HS6ST3: variants seen among roughly 807,000 people sequenced by gnomAD.
HS6ST3 encodes the protein heparan-sulfate 6-O-sulfotransferase 3.
Under a neutral mutation model 36.7 loss-of-function variants are expected in HS6ST3, and 12 were observed. The observed-to-expected ratio is 0.33, with a 90% CI of 0.21 to 0.53. HS6ST3 has a LOEUF of 0.53. Ranked by LOEUF, HS6ST3 falls within the 20% of genes least tolerant of loss-of-function variation. HS6ST3 has a pLI of 0.95. For synonymous variants in HS6ST3, 240 were observed against 257.5 expected (o/e 0.93, Z 0.65); for missense variants, 584 against 640.9 (o/e 0.91, Z 0.96).
intron 1 of HS6ST3, among the ~76,000 whole-genome samples, chr13:96,233,799 C>T (rs750461341): frequency 2.6e-5 from 4 of 151,842 alleles, no homozygotes; most frequent in South Asian, 4.2e-4. Context: ...GAGATGTGGT[C>T]GGAGCAAGTC....
chr13:96,382,235 A>G (rs1430399474), intron 1 of HS6ST3, among the ~76,000 whole-genome samples: 1 of 152,180 alleles, frequency 6.6e-6, no homozygotes, highest in Non-Finnish European at 1.5e-5. Context: ...ATCAGATGTT[A>G]AGGAACCACA....
chr13:96,154,492 C>T (rs554410209), intron 1 of HS6ST3, among the ~76,000 whole-genome samples: 1 of 152,180 alleles, frequency 6.6e-6, no homozygotes, highest in Non-Finnish European at 1.5e-5. Flanking sequence ...ATGGTGATTT[C>T]ACTATTCAGC....
chr13:96,799,003 T>G (rs1169958444), intron 1 of HS6ST3, among the ~76,000 whole-genome samples: 1 of 152,126 alleles, frequency 6.6e-6, no homozygotes, highest in Non-Finnish European at 1.5e-5. Flanking sequence ...ACAAGTCAAA[T>G]TAGATGAGAG....
intron 1 of HS6ST3, among the ~76,000 whole-genome samples, chr13:96,781,699 A>G (rs1354777704): frequency 6.6e-6 from 1 of 152,214 alleles, no homozygotes; most frequent in African/African-American, 2.4e-5. Context: ...CCAATTCAAA[A>G]CAACTTATGT....
At chr13:96,829,311 T>G (rs951371478) in intron 1 of HS6ST3, among the ~76,000 whole-genome samples, 1 of 152,068 alleles carries the variant, frequency 6.6e-6, no homozygotes, top group Non-Finnish European at 1.5e-5. Flanking sequence ...CCAACTTTTT[T>G]TTTTCAATTT....
chr13:96,524,375 AACT>A lies in HS6ST3; in HGVS notation c.708-308111_708-308109del, dbSNP rs936573097. The stretch of plus-strand genomic sequence containing the variant: ...CAGAGCTCGAACGCTGCACCAGGAG[AACT>A]ACTGCTCTCTTTAGAGCTGTCAGGC... On this transcript the variant is annotated intron_variant, in intron 1 of 1. Coordinates refer to ENST00000376705, the MANE Select transcript of HS6ST3 (RefSeq NM_153456.4). Among the ~76,000 whole-genome samples, 7 of 152,314 alleles carry A rather than the reference AACT, an allele frequency of 4.6e-5. No homozygotes were observed. The East Asian group carries it at 1.4e-3, about 29-fold the overall frequency.
intron 1 of HS6ST3, among the ~76,000 whole-genome samples, chr13:96,333,177 G>T (rs1233480864): frequency 6.6e-6 from 1 of 152,180 alleles, no homozygotes; most frequent in African/African-American, 2.4e-5. Flanking sequence ...ACTTAAAAAA[G>T]GAAATGGAAA....
intron 1 of HS6ST3, among the ~76,000 whole-genome samples, chr13:96,420,593 G>A (rs1282633528): frequency 6.6e-6 from 1 of 152,210 alleles, no homozygotes. Flanking sequence ...ATAATTGATG[G>A]TCATATATGT....
chr13:96,659,643 C>G (rs2056639343), intron 1 of HS6ST3, among the ~76,000 whole-genome samples: 1 of 151,966 alleles, frequency 6.6e-6, no homozygotes, highest in Non-Finnish European at 1.5e-5. Flanking sequence ...TTTGATTCAT[C>G]ATCCATCTCA....
chr13:96,316,889 T>TGCG (rs140712902), intron 1 of HS6ST3, among the ~76,000 whole-genome samples: 3,829 of 152,292 alleles, frequency 0.025, 160 homozygotes, highest in African/African-American at 0.089. Context: ...ATTTTGTGTT[T>TGCG]GCGTAGAAAT....
chr13:96,300,087 C>T (rs909819273), intron 1 of HS6ST3, among the ~76,000 whole-genome samples: 1 of 125,162 alleles, frequency 8.0e-6, no homozygotes. Flanking sequence ...GACAGAGTCT[C>T]ACTCTGTCAC....
chr13:96,528,110 TC>T (rs1178080180), intron 1 of HS6ST3, among the ~76,000 whole-genome samples: 1 of 152,182 alleles, frequency 6.6e-6, no homozygotes, highest in African/African-American at 2.4e-5. Context: ...TTTTTAACAT[TC>T]TTTTTAATAC....
chr13:96,673,144 C>T (rs2056687866), intron 1 of HS6ST3, among the ~76,000 whole-genome samples: 1 of 152,154 alleles, frequency 6.6e-6, no homozygotes, highest in Non-Finnish European at 1.5e-5. Flanking sequence ...AGGCCAGCAT[C>T]TTTAAGTCTC....
chr13:96,413,426 A>G (rs961443918), intron 1 of HS6ST3, among the ~76,000 whole-genome samples: 3 of 152,240 alleles, frequency 2.0e-5, no homozygotes, highest in African/African-American at 7.2e-5. Context: ...AAGATATTTC[A>G]GTAAACATAT....
chr13:96,742,462 CGATT>C (rs1348470539), intron 1 of HS6ST3, among the ~76,000 whole-genome samples: 1 of 151,856 alleles, frequency 6.6e-6, no homozygotes, highest in Non-Finnish European at 1.5e-5. Context: ...CAGACACAGA[CGATT>C]GAAAGTGAAA....
Position 96,241,871 on chromosome 13 carries a change from C to T in HS6ST3, c.707+150302C>T, listed in dbSNP as rs573366919. Among the ~76,000 whole-genome samples the T allele has an allele frequency of 7.3e-5, 11 of 150,766 alleles. No homozygotes were observed. The South Asian group carries it at 1.5e-3, about 20-fold the overall frequency. On this transcript the variant is annotated intron_variant, in intron 1 of 1. Transcript: ENST00000376705. ...TGCGATCTATGCTCACTGCAAGCTC[C>T]GCCTCCCGGGTTCACGCCATTCTTC...
At chr13:96,604,703 ATAT>A (rs1232687867) in intron 1 of HS6ST3, among the ~76,000 whole-genome samples, 1 of 152,198 alleles carries the variant, frequency 6.6e-6, no homozygotes, top group Non-Finnish European at 1.5e-5. Context: ...CAAGTTGAGC[ATAT>A]TAATGTGTGT....
intron 1 of HS6ST3, among the ~76,000 whole-genome samples, chr13:96,725,011 A>G (rs1414070793): frequency 6.6e-6 from 1 of 152,188 alleles, no homozygotes; most frequent in Non-Finnish European, 1.5e-5. Context: ...TCCATTGCAG[A>G]GTAATTACTA....
At chr13:96,671,917 C>A (rs1413652198) in intron 1 of HS6ST3, among the ~76,000 whole-genome samples, 1 of 152,100 alleles carries the variant, frequency 6.6e-6, no homozygotes, top group Non-Finnish European at 1.5e-5. Flanking sequence ...ATTTTTAACA[C>A]ACTAATACCT....
Sources: allele counts gnomAD v4.1 joint callset (sites outside exome capture counted in the v4.1 genomes callset), GRCh38; gene constraint gnomAD v4.1.1; transcripts MANE v1.5; gene names NCBI Gene and HGNC (gene_info 2026-07-23, HGNC 2026-07-21).